C2orf78: variants seen among roughly 807,000 people sequenced by gnomAD.
C2orf78 encodes the protein uncharacterized protein C2orf78.
In C2orf78, 12 loss-of-function variants were observed where a neutral mutation model predicts 21.4. The ratio of observed to expected loss-of-function variants is 0.56; its 90% CI spans 0.36 to 0.91. C2orf78 has a LOEUF of 0.91. C2orf78 is among the 40% of genes least tolerant of loss of function. The pLI, the probability that C2orf78 is intolerant of heterozygous loss-of-function variation, is 0.01. For synonymous variants in C2orf78, 396 were observed against 413.9 expected (o/e 0.96, Z 0.52); for missense variants, 1,042 against 1,092.4 (o/e 0.95, Z 0.65).
chr2:73,816,303 C>A (rs1174336701), exon 3 of C2orf78: 10 of 1,613,780 alleles, frequency 6.2e-6, no homozygotes, highest in African/African-American at 1.3e-5. Context: ...GGCCCAGAAA[C>A]TAGATGGTAG....
chr2:73,810,969 C>CAT (rs35395110), intron 1 of C2orf78, among the ~76,000 whole-genome samples: 8,339 of 136,018 alleles, frequency 0.061, 249 homozygotes, highest in Non-Finnish European at 0.073. Flanking sequence ...ATGTATATTT[C>CAT]ATATATATAT....
exon 3 of C2orf78, chr2:73,816,585 T>C: frequency 6.2e-7 from 1 of 1,613,338 alleles, no homozygotes; most frequent in Non-Finnish European, 8.5e-7. Flanking sequence ...TCAGCCAATT[T>C]CAGCCAAAGC....
intron 1 of C2orf78, among the ~76,000 whole-genome samples, chr2:73,811,683 A>G (rs934581651): frequency 6.6e-6 from 1 of 152,154 alleles, no homozygotes; most frequent in African/African-American, 2.4e-5. Context: ...TCCTACATTC[A>G]AAACATTTTT....
chr2:73,816,358 C>T, exon 3 of C2orf78: 1 of 1,613,840 alleles, frequency 6.2e-7, no homozygotes, highest in Non-Finnish European at 8.5e-7. Flanking sequence ...GAGTTGCCAC[C>T]ACCTGGGAAG....
chr2:73,814,766 A>T (rs1314466021), intron 2 of C2orf78, among the ~76,000 whole-genome samples: 1 of 152,222 alleles, frequency 6.6e-6, no homozygotes, highest in Non-Finnish European at 1.5e-5. Context: ...AGTGGAGAGA[A>T]TTGAAAGGAC....
exon 3 of C2orf78, chr2:73,815,484 A>C (rs1484552264): frequency 1.9e-6 from 3 of 1,613,938 alleles, no homozygotes; most frequent in Non-Finnish European, 2.5e-6. Flanking sequence ...TCTAAGAAAT[A>C]AGAGCCTGAG....
At chr2:73,810,255 G>T (rs1397785723) in intron 1 of C2orf78, among the ~76,000 whole-genome samples, 1 of 152,036 alleles carries the variant, frequency 6.6e-6, no homozygotes, top group East Asian at 1.9e-4. Context: ...TAGAGGCCGG[G>T]CAGGATGGCT....
exon 3 of C2orf78, chr2:73,815,169 A>C (rs760602222): frequency 6.2e-7 from 1 of 1,614,038 alleles, no homozygotes; most frequent in African/African-American, 1.3e-5. Flanking sequence ...CAAGTCCTTC[A>C]GTAGCAGAAA....
chr2:73,811,271 A>G (rs1362589727), intron 1 of C2orf78, among the ~76,000 whole-genome samples: 1 of 152,076 alleles, frequency 6.6e-6, no homozygotes, highest in Non-Finnish European at 1.5e-5. Flanking sequence ...AGTCTGTAGG[A>G]TAGAGCAGGA....
At chr2:73,786,342 G>T (rs897817956) in intron 1 of C2orf78, among the ~76,000 whole-genome samples, 2 of 150,648 alleles carry the variant, frequency 1.3e-5, no homozygotes, top group Admixed American at 1.3e-4. Context: ...TCGTGCCACT[G>T]CCCTCCAGCC....
chr2:73,809,398 C>T (rs1673025309), intron 1 of C2orf78, among the ~76,000 whole-genome samples: 1 of 151,888 alleles, frequency 6.6e-6, no homozygotes, highest in Non-Finnish European at 1.5e-5. Flanking sequence ...TGGCTCACAC[C>T]TGTAATCTCA....
chr2:73,817,001 A>G, exon 3 of C2orf78: 1 of 1,598,866 alleles, frequency 6.3e-7, no homozygotes, highest in Non-Finnish European at 8.5e-7. Flanking sequence ...AAGAGCTGAG[A>G]TTGTTGGTTT....
chr2:73,817,043 T>G, exon 3 of C2orf78: 1 of 1,484,030 alleles, frequency 6.7e-7, no homozygotes, highest in Non-Finnish European at 9.0e-7. Flanking sequence ...TCCACATATA[T>G]AGATAGATAC....
At chr2:73,815,020 G>C in intron 2 of C2orf78, 51 bp from the exon 3 acceptor site, 1 of 1,541,976 alleles carries the variant, frequency 6.5e-7, no homozygotes. Flanking sequence ...TGGTGTGTAG[G>C]GGGAGCATCT....
rs758442837 is a variant in C2orf78 at position 73,816,974 on chromosome 2, CT to C, written c.2752del (p.Tyr918MetfsTer8). On this transcript the variant is annotated frameshift_variant, in exon 3 of 3. Coordinates refer to ENST00000409561, the Ensembl canonical transcript of C2orf78. LOFTEE classifies it high-confidence loss of function. Reference sequence around the variant, plus strand: ...AAAGAGATATGGAAATTGCTGAATACTATGGCTACACAATCTAAGAGCTGAG... The same window carrying C: ...AAAGAGATATGGAAATTGCTGAATACATGGCTACACAATCTAAGAGCTGAG... 5.9e-5 allele frequency: 95 copies of C among 1,609,650 alleles called. No homozygotes were observed. The highest frequency in any genetic ancestry group is 7.6e-5 in the Non-Finnish European group (90 of 1,177,780).
chr2:73,813,519 G>T lies in C2orf78; in HGVS notation c.140G>T (p.Arg47Leu), dbSNP rs368290663. The change falls in exon 2 of 3, where the codon CGG becomes CTG. Residue 47 changes from arginine (R) to leucine (L), a missense_variant. Around this residue, in one of 2 missense-constraint regions of C2orf78, gnomAD observed 1,039 missense variants for 1,069.7 expected, o/e 0.97. Transcript: ENST00000409561. ...TCTTTACCTGGAACTGCAAATTCTC[G>T]GCAGTTCTCTCTTCCTGTGGTGAGC... 3 of 1,611,622 alleles carry T rather than the reference G, an allele frequency of 1.9e-6. No homozygotes were observed. In the African/African-American group the frequency reaches 4.0e-5, roughly 22 times the overall value.
At position 73,809,735 on chromosome 2, in the gene C2orf78, G is replaced by T. The variant is rs568127481; in HGVS notation, c.98-3742G>T. Among the ~76,000 whole-genome samples, 6 of 152,278 alleles carry T rather than the reference G, an allele frequency of 3.9e-5. 1 individual carries two copies. The East Asian group carries it at 1.2e-3, about 29-fold the overall frequency. On this transcript the variant is annotated intron_variant, in intron 1 of 2. Transcript: ENST00000409561. ...GGAGGTTGAGGCTGCAGTGAGTCAGGTTCACACCACTGGACTTCAGCCTGA... is the reference window on the plus strand; with the variant it reads ...GGAGGTTGAGGCTGCAGTGAGTCAGTTTCACACCACTGGACTTCAGCCTGA...
At chr2:73,808,685 C>G in intron 1 of C2orf78, 1 of 1,479,060 alleles carries the variant, frequency 6.8e-7, no homozygotes, top group Non-Finnish European at 9.0e-7. Context: ...ATCATTCTCC[C>G]ACCAAACCAA....
chr2:73,816,702 C>T (rs1373097072), exon 3 of C2orf78: 14 of 1,613,882 alleles, frequency 8.7e-6, no homozygotes, highest in African/African-American at 1.3e-5. Context: ...GCAGCGGGAG[C>T]CTGTTTCCAC....
Sources: gnomAD v4.1 joint callset for allele counts (sites outside exome capture counted in the v4.1 genomes callset) on GRCh38, gnomAD v4.1.1 for gene constraint, gnomAD v4.1.1 regional missense constraint, MANE v1.5 for transcripts, NCBI Gene and HGNC (gene_info 2026-07-23, HGNC 2026-07-21) for gene names.